MAGI1: variants seen among roughly 807,000 people sequenced by gnomAD.
MAGI1 encodes membrane associated guanylate kinase, WW and PDZ domain containing 1, also known as membrane-associated guanylate kinase, WW and PDZ domain-containing protein 1.
A neutral mutation model predicts 139.9 loss-of-function variants in MAGI1; 58 were observed. The ratio of observed to expected loss-of-function variants is 0.41; its 90% CI spans 0.34 to 0.52. The LOEUF is 0.52. Among genes scored for constraint, MAGI1 ranks in the 20% least tolerant of loss-of-function variants. The probability of loss-of-function intolerance (pLI) is 0.12; values close to 1 mark genes in which losing one functional copy is unlikely to be tolerated. For synonymous variants in MAGI1, 812 were observed against 737.9 expected, an observed-to-expected ratio of 1.10 and a Z score of -1.63; for missense variants, 1,874 against 1,901.6, an observed-to-expected ratio of 0.99 and a Z score of 0.27.
intron 1 of MAGI1, among the ~76,000 whole-genome samples, chr3:65,882,760 C>G (rs2060381868): frequency 6.6e-6 from 1 of 151,812 alleles, no homozygotes; most frequent in African/African-American, 2.4e-5. Context: ...TGGTGAAACC[C>G]CATCTCTACA....
intron 4 of MAGI1, among the ~76,000 whole-genome samples, chr3:65,477,715 T>TACTA (rs11436319): frequency 6.8e-6 from 1 of 147,894 alleles, no homozygotes; most frequent in Non-Finnish European, 1.5e-5. Context: ...ATTATTATTT[T>TACTA]TTTTTTTTTA....
intron 1 of MAGI1, among the ~76,000 whole-genome samples, chr3:65,810,784 A>G (rs1054937045): frequency 2.0e-5 from 3 of 152,166 alleles, no homozygotes; most frequent in Admixed American, 1.3e-4. Context: ...CCAGCAACCT[A>G]TTTAGGTCCC....
chr3:65,549,212 C>T (rs996424200), intron 2 of MAGI1, among the ~76,000 whole-genome samples: 3 of 152,164 alleles, frequency 2.0e-5, no homozygotes, highest in African/African-American at 7.2e-5. Flanking sequence ...ACTTGAACGC[C>T]CGGGCGGGCG....
At chr3:65,635,445 A>T (rs2084556478) in intron 1 of MAGI1, among the ~76,000 whole-genome samples, 1 of 152,172 alleles carries the variant, frequency 6.6e-6, no homozygotes, top group Non-Finnish European at 1.5e-5. Context: ...CCAAAGACTG[A>T]CTTTCCTTCT....
chr3:65,606,059 C>A (rs185570654), intron 2 of MAGI1, among the ~76,000 whole-genome samples: 23 of 152,288 alleles, frequency 1.5e-4, no homozygotes, highest in Admixed American at 1.0e-3. Flanking sequence ...GCAGTTTGAG[C>A]ACCTACTATG....
At chr3:65,556,280 A>G (rs1180801628) in intron 2 of MAGI1, among the ~76,000 whole-genome samples, 1 of 152,240 alleles carries the variant, frequency 6.6e-6, no homozygotes, top group Non-Finnish European at 1.5e-5. Context: ...ACAAATTAAA[A>G]TTAAAAACCA....
At chr3:65,575,804 CA>C (rs1032941626) in intron 2 of MAGI1, among the ~76,000 whole-genome samples, 2 of 151,698 alleles carry the variant, frequency 1.3e-5, no homozygotes, top group African/African-American at 2.4e-5. Context: ...CCTGATGCCA[CA>C]AAAAAAATAC....
chr3:65,728,295 C>G (rs2033831385), intron 1 of MAGI1, among the ~76,000 whole-genome samples: 1 of 152,094 alleles, frequency 6.6e-6, no homozygotes, highest in Non-Finnish European at 1.5e-5. Flanking sequence ...GGAGCTGGAG[C>G]ACCCTGTGAG....
intron 1 of MAGI1, among the ~76,000 whole-genome samples, chr3:65,641,006 T>C (rs1013901824): frequency 1.3e-5 from 2 of 152,104 alleles, no homozygotes; most frequent in Admixed American, 1.3e-4. Context: ...TACCCATTCA[T>C]GTGACTTTAA....
intron 1 of MAGI1, among the ~76,000 whole-genome samples, chr3:65,733,556 A>G (rs996481251): frequency 3.3e-5 from 5 of 152,208 alleles, no homozygotes; most frequent in African/African-American, 1.2e-4. Flanking sequence ...GAAAAACCAG[A>G]GAAGGAAACC....
intron 1 of MAGI1, among the ~76,000 whole-genome samples, chr3:65,875,230 G>T (rs1384205304): frequency 6.6e-6 from 1 of 152,166 alleles, no homozygotes; most frequent in African/African-American, 2.4e-5. Context: ...TAGCTGCCTA[G>T]AACTTGGGGG....
chr3:65,909,286 A>AG (rs2061562954), intron 1 of MAGI1, among the ~76,000 whole-genome samples: 1 of 152,092 alleles, frequency 6.6e-6, no homozygotes, highest in African/African-American at 2.4e-5. Flanking sequence ...ACATTTTGCA[A>AG]GGCAGAAGCA....
intron 2 of MAGI1, among the ~76,000 whole-genome samples, chr3:65,537,918 G>C (rs1450637422): frequency 6.6e-6 from 1 of 152,088 alleles, no homozygotes; most frequent in Admixed American, 6.6e-5. Context: ...AGGAGTTCAA[G>C]ACCAGCCTGG....
chr3:65,531,035 T>G (rs962126707), intron 2 of MAGI1, among the ~76,000 whole-genome samples: 1 of 151,788 alleles, frequency 6.6e-6, no homozygotes, highest in East Asian at 1.9e-4. Flanking sequence ...TTAAATGACA[T>G]AAGTCATGTG....
chr3:65,443,337 T>C (rs1948471905), intron 7 of MAGI1, among the ~76,000 whole-genome samples: 1 of 152,146 alleles, frequency 6.6e-6, no homozygotes, highest in Non-Finnish European at 1.5e-5. Flanking sequence ...GAAAATGCAG[T>C]TGGGTTTTTG....
intron 5 of MAGI1, among the ~76,000 whole-genome samples, chr3:65,459,824 T>C (rs976352916): frequency 6.6e-6 from 1 of 152,090 alleles, no homozygotes; most frequent in Non-Finnish European, 1.5e-5. Flanking sequence ...CTTGGGAGGC[T>C]GAGGTGGGAG....
intron 3 of MAGI1, 59 bp downstream of exon 3, chr3:65,493,453 C>T: frequency 6.2e-7 from 1 of 1,609,182 alleles, no homozygotes; most frequent in Non-Finnish European, 8.5e-7. Context: ...CTGGATGGCT[C>T]TGGCTCCTCT....
intron 5 of MAGI1, among the ~76,000 whole-genome samples, chr3:65,458,350 TTC>T (rs1279934326): frequency 6.6e-6 from 1 of 151,910 alleles, no homozygotes; most frequent in Non-Finnish European, 1.5e-5. Context: ...TTTTTAGTTT[TTC>T]TGTTTGTTTG....
intron 2 of MAGI1, among the ~76,000 whole-genome samples, chr3:65,541,752 G>C (rs1183296700): frequency 6.6e-6 from 1 of 152,020 alleles, no homozygotes; most frequent in Admixed American, 6.6e-5. Flanking sequence ...AAAAAACTAG[G>C]TACTGATGGA....
Sources: gnomAD v4.1 joint callset for allele counts (sites outside exome capture counted in the v4.1 genomes callset) on GRCh38, gnomAD v4.1.1 for gene constraint, MANE v1.5 for transcripts, NCBI Gene and HGNC (gene_info 2026-07-23, HGNC 2026-07-21) for gene names.